ABCB11: variants seen among roughly 807,000 people sequenced by gnomAD.
ABCB11 encodes the protein bile salt export pump.
A neutral mutation model predicts 148.0 loss-of-function variants in ABCB11; 95 were observed. That is an observed-to-expected ratio of 0.64 (90% CI 0.54 to 0.76). The LOEUF (loss-of-function observed/expected upper bound fraction) is 0.76. Among genes scored for constraint, ABCB11 ranks in the 30% least tolerant of loss-of-function variants. ABCB11 has a pLI of 0.00. For synonymous variants in ABCB11, 591 were observed against 555.4 expected (o/e 1.06, Z -0.90); for missense variants, 1,523 against 1,617.8 (o/e 0.94, Z 1.01).
At chr2:169,004,423 T>C (rs1162914695) in intron 5 of ABCB11, among the ~76,000 whole-genome samples, 3 of 152,206 alleles carry the variant, frequency 2.0e-5, no homozygotes, top group Non-Finnish European at 4.4e-5. Context: ...GTCTTCAAAC[T>C]CTGAAGTTTC....
At chr2:168,962,128 C>T (rs965136340) in intron 18 of ABCB11, among the ~76,000 whole-genome samples, 5 of 151,626 alleles carry the variant, frequency 3.3e-5, no homozygotes, top group Middle Eastern at 3.2e-3. Context: ...ACAAAATTAT[C>T]GTACAAACCA....
rs1377651614 is a variant in ABCB11 at position 168,944,927 on chromosome 2, G to A, written c.2378C>T (p.Ser793Leu). Residue 793 changes from serine (S) to leucine (L), a missense_variant, in exon 20 of 28, where the codon TCA becomes TTA. Physicochemically the swap from Ser to Leu is moderately radical, Grantham distance 145 (BLOSUM62 -2). Transcript: ENST00000650372. ...FSIPDKEEQR[S>L]QINGVCLLFV... Reference sequence around the variant, plus strand: ...AAGTAGGCACACACCATTGATCTGTGACCTTTGTTCCTCTTTATCAGGAAT... The same window carrying A: ...AAGTAGGCACACACCATTGATCTGTAACCTTTGTTCCTCTTTATCAGGAAT... 2 of 1,567,848 alleles carry A rather than the reference G, an allele frequency of 1.3e-6. No individual in the cohort carries two copies. Among genetic ancestry groups the A allele is most frequent in the Admixed American group, 3.7e-5 (2 of 53,740 alleles).
intron 13 of ABCB11, among the ~76,000 whole-genome samples, chr2:168,972,588 TTC>T (rs763364613): frequency 7.2e-5 from 11 of 152,048 alleles, no homozygotes; most frequent in Non-Finnish European, 1.3e-4. Flanking sequence ...AAACTATGAT[TTC>T]TATATATTCA....
At chr2:168,932,344 T>A in intron 24 of ABCB11, 33 bp downstream of exon 24, 2 of 1,533,914 alleles carry the variant, frequency 1.3e-6, no homozygotes, top group Non-Finnish European at 1.8e-6. Context: ...GAACTCATCC[T>A]TTTTTATGGC....
chr2:168,955,275 A>G (rs1336025629), intron 19 of ABCB11, among the ~76,000 whole-genome samples: 1 of 151,630 alleles, frequency 6.6e-6, no homozygotes, highest in Non-Finnish European at 1.5e-5. Context: ...TGGTATCTCT[A>G]TTAAACTGTT....
At chr2:169,007,060 G>C (rs1695040131) in intron 5 of ABCB11, among the ~76,000 whole-genome samples, 1 of 152,152 alleles carries the variant, frequency 6.6e-6, no homozygotes, top group African/African-American at 2.4e-5. Context: ...ACCCAGAATA[G>C]ACAATCCCTA....
intron 5 of ABCB11, among the ~76,000 whole-genome samples, chr2:169,002,182 G>T (rs1694896312): frequency 6.6e-6 from 1 of 152,056 alleles, no homozygotes; most frequent in Non-Finnish European, 1.5e-5. Context: ...ATTTTGTAAA[G>T]ATAAAAGGGT....
rs970978280 is a variant in ABCB11 at position 168,921,324 on chromosome 2, A to T, written c.*2298T>A. ...ATATCCTAGTGTCCTGGCTTAATTT[A>T]TAGGCAGAATTTCGTTTGTTGGCTA... On this transcript the variant is annotated 3_prime_UTR_variant, in exon 28 of 28. Transcript: ENST00000650372. Among the ~76,000 whole-genome samples the T allele has an allele frequency of 6.6e-6, 1 of 152,148 alleles. No homozygotes were observed. The highest frequency in any genetic ancestry group is 1.5e-5 in the Non-Finnish European group (1 of 68,024).
At chr2:168,972,280 T>A (rs1190982373) in intron 13 of ABCB11, among the ~76,000 whole-genome samples, 6 of 152,062 alleles carry the variant, frequency 3.9e-5, no homozygotes, top group African/African-American at 1.4e-4. Flanking sequence ...TAAATAAAGT[T>A]CACTTAATTT....
intron 5 of ABCB11, among the ~76,000 whole-genome samples, chr2:169,009,220 A>C (rs1461736276): frequency 6.6e-6 from 1 of 152,160 alleles, no homozygotes; most frequent in Non-Finnish European, 1.5e-5. Flanking sequence ...CAGCCATCCC[A>C]TTACTGGGTA....
chr2:169,002,743 A>T (rs1481201562), intron 5 of ABCB11, among the ~76,000 whole-genome samples: 1 of 152,158 alleles, frequency 6.6e-6, no homozygotes, highest in East Asian at 1.9e-4. Flanking sequence ...AATTCATAGA[A>T]GCAGAGAGTA....
chr2:168,999,087 G>T (rs948631297), intron 5 of ABCB11, among the ~76,000 whole-genome samples: 1 of 151,974 alleles, frequency 6.6e-6, no homozygotes, highest in African/African-American at 2.4e-5. Context: ...CCACAGAATG[G>T]CATTTTTTTA....
At chr2:169,024,536 C>CATT (rs199867521) in intron 1 of ABCB11, among the ~76,000 whole-genome samples, 2 of 147,956 alleles carry the variant, frequency 1.4e-5, no homozygotes, top group Non-Finnish European at 3.0e-5. Context: ...TAATGTCTTA[C>CATT]ATTAGTATTA....
intron 10 of ABCB11, among the ~76,000 whole-genome samples, chr2:168,982,463 T>A (rs962239843): frequency 4.6e-5 from 7 of 152,166 alleles, no homozygotes; most frequent in Non-Finnish European, 8.8e-5. Context: ...TTTTTATTAA[T>A]GAATTCTGAA....
At chr2:168,945,961 G>A (rs1327421597) in intron 19 of ABCB11, among the ~76,000 whole-genome samples, 5 of 151,696 alleles carry the variant, frequency 3.3e-5, no homozygotes, top group African/African-American at 4.8e-5. Context: ...AAAAAACTAC[G>A]GCCATTGTGA....
In ABCB11 at chr2:168,964,280, G is replaced by T; in HGVS notation, c.2104C>A (p.Gln702Lys). 1 of 1,569,368 alleles carries T rather than the reference G, an allele frequency of 6.4e-7. No homozygotes were observed. Among genetic ancestry groups the T allele is most frequent in the Non-Finnish European group, 8.7e-7 (1 of 1,155,370 alleles). Residue 702 changes from glutamine to lysine, a missense_variant, in exon 18 of 28, where the codon CAG becomes AAG. Coordinates refer to ENST00000650372, the MANE Select transcript of ABCB11 (RefSeq NM_003742.4). The part of the protein sequence containing the change: ...RASIRQRSKS[Q>K]LSYLVHEPPL... ...GGTTCGTGCACCAGGTAAGAAAGCTGAGACTTGGAGCGTTGCCGGATGGAA... is the reference window on the plus strand; with the variant it reads ...GGTTCGTGCACCAGGTAAGAAAGCTTAGACTTGGAGCGTTGCCGGATGGAA...
At chr2:168,952,196 T>C (rs765427446) in intron 19 of ABCB11, among the ~76,000 whole-genome samples, 1 of 151,724 alleles carries the variant, frequency 6.6e-6, no homozygotes, top group Non-Finnish European at 1.5e-5. Context: ...TTTCTGTTTT[T>C]GTGATGTCCT....
At position 168,939,957 on chromosome 2, in the gene ABCB11, C is replaced by T. The variant is rs766571229; in HGVS notation, c.2611-3524G>A. On this transcript the variant is annotated intron_variant, in intron 21 of 27. Transcript: ENST00000650372. ...CATCGTTTTAGAGCACCACGAACCA[C>T]GCCAATATAAGACTGAAAACTTATT... Among the ~76,000 whole-genome samples, 9 of 152,028 alleles carry T rather than the reference C, an allele frequency of 5.9e-5. 1 individual carries two copies. The highest frequency in any genetic ancestry group is 2.1e-4 in the South Asian group (1 of 4,826).
At chr2:168,978,941 A>C (rs1694032155) in intron 11 of ABCB11, among the ~76,000 whole-genome samples, 1 of 151,894 alleles carries the variant, frequency 6.6e-6, no homozygotes, top group Non-Finnish European at 1.5e-5. Flanking sequence ...GCTGGTCTTG[A>C]ACTCCTGGGC....
Sources: gnomAD v4.1 joint callset for allele counts (sites outside exome capture counted in the v4.1 genomes callset) on GRCh38, gnomAD v4.1.1 for gene constraint, MANE v1.5 for transcripts, NCBI Gene and HGNC (gene_info 2026-07-23, HGNC 2026-07-21) for gene names.